TRPM1: variants seen among roughly 807,000 people sequenced by gnomAD.
TRPM1 encodes transient receptor potential cation channel subfamily M member 1.
A neutral mutation model predicts 149.4 loss-of-function variants in TRPM1; 113 were observed. The ratio of observed to expected loss-of-function variants is 0.76; its 90% confidence interval spans 0.65 to 0.88. The LOEUF (loss-of-function observed/expected upper bound fraction) is 0.88, where lower values mean the gene tolerates loss of function less well. TRPM1 is among the 40% of genes least tolerant of loss of function. TRPM1 has a pLI of 0.00. For missense variants in TRPM1, 1,976 were observed against 2,038.7 expected, an observed-to-expected ratio of 0.97 and a Z score of 0.59; for synonymous variants, 741 against 759.5, an observed-to-expected ratio of 0.98 and a Z score of 0.40.
rs1220951425 is a variant in TRPM1, at chr15:31,076,988, G to A, written c.4-4C>T. 1.2e-6 allele frequency: 2 copies of A among 1,603,084 alleles called. No individual in the cohort carries two copies. The highest frequency in any genetic ancestry group is 1.7e-5 in the Admixed American group (1 of 60,020). On this transcript the variant is annotated splice_region_variant and splice_polypyrimidine_tract_variant and intron_variant, in intron 2 of 27. Coordinates refer to ENST00000256552, the MANE Select transcript of TRPM1 (RefSeq NM_001252024.2). ...TCTCTATCCAAGATTTCTGACCCTG[G>A]AAGAGAGAGAGAAGTGGATATTGGA...
At chr15:31,067,651 C>T (rs2034417084) in intron 5 of TRPM1, among the ~76,000 whole-genome samples, 1 of 152,006 alleles carries the variant, frequency 6.6e-6, no homozygotes, top group Non-Finnish European at 1.5e-5. Flanking sequence ...TCATGGGTGA[C>T]CCAGAGATGT....
intron 27 of TRPM1, among the ~76,000 whole-genome samples, chr15:31,011,006 AATCATTAT>A (rs765035495): frequency 6.6e-6 from 1 of 152,160 alleles, no homozygotes; most frequent in Non-Finnish European, 1.5e-5. Context: ...TTACCTTTTT[AATCATTAT>A]ATCATGTCTA....
At chr15:31,132,055 G>A (rs2036023207) in intron 1 of TRPM1, among the ~76,000 whole-genome samples, 1 of 152,180 alleles carries the variant, frequency 6.6e-6, no homozygotes, top group Non-Finnish European at 1.5e-5. Context: ...CAGATATTGA[G>A]GAGCATTAGC....
intron 1 of TRPM1, among the ~76,000 whole-genome samples, chr15:31,157,182 G>A (rs2036389061): frequency 1.3e-5 from 2 of 152,096 alleles, no homozygotes; most frequent in African/African-American, 4.8e-5. Context: ...CAAAGTGCTG[G>A]GATTACAAGT....
chr15:31,025,853 C>T (rs1171624083), intron 27 of TRPM1, among the ~76,000 whole-genome samples: 1 of 152,208 alleles, frequency 6.6e-6, no homozygotes, highest in Non-Finnish European at 1.5e-5. Context: ...TTCCATTAAC[C>T]TTGCGGAAAC....
intron 18 of TRPM1, among the ~76,000 whole-genome samples, chr15:31,039,825 TCTGA>T (rs1357257817): frequency 2.0e-5 from 3 of 152,276 alleles, no homozygotes; most frequent in African/African-American, 7.2e-5. Flanking sequence ...ATTAGGAGAC[TCTGA>T]CTGTGGCAGG....
chr15:31,105,524 A>G (rs1291430693), upstream of TRPM1, among the ~76,000 whole-genome samples: 1 of 152,156 alleles, frequency 6.6e-6, no homozygotes, highest in Non-Finnish European at 1.5e-5. Context: ...ATAATTTTCA[A>G]TTCAAATTTA....
intron 11 of TRPM1, chr15:31,060,134 GAC>G (rs111387341): frequency 8.0e-5 from 26 of 326,108 alleles, no homozygotes; most frequent in Admixed American, 1.8e-4. Flanking sequence ...CACACACATA[GAC>G]ACACACACAT....
chr15:31,129,867 G>T (rs1403177806), intron 1 of TRPM1, among the ~76,000 whole-genome samples: 1 of 152,214 alleles, frequency 6.6e-6, no homozygotes, highest in Non-Finnish European at 1.5e-5. Flanking sequence ...TGGCAGAGAA[G>T]AGAGAATATG....
Position 31,035,628 on chromosome 15 carries a change from A to G in TRPM1, c.2618T>C (p.Val873Ala). 2 of 1,614,220 alleles carry G rather than the reference A, an allele frequency of 1.2e-6. No individual in the cohort carries two copies. The highest frequency in any genetic ancestry group is 8.5e-7 in the Non-Finnish European group (1 of 1,180,026). The stretch of plus-strand genomic sequence containing the variant: ...GAGGGACGGCCAGCCATCCATCCGC[A>G]CCAGGATGACGTAGTTAAACAGCAG... ...YLLLFNYVIL[V>A]RMDGWPSLQE... The change falls in exon 21 of 28, where the codon GTG becomes GCG. Residue 873 changes from valine (V) to alanine (A), a missense_variant. Coordinates refer to ENST00000256552, the MANE Select transcript of TRPM1 (RefSeq NM_001252024.2).
intron 10 of TRPM1, 91 bp from the exon 11 acceptor site, chr15:31,060,735 T>C (rs896027879): frequency 1.0e-6 from 1 of 991,178 alleles, no homozygotes; most frequent in Non-Finnish European, 1.6e-6. Context: ...AGGCTTCCCT[T>C]GGGCTGCTGG....
rs1028136581 is a variant in TRPM1 at position 31,049,370 on chromosome 15, C to T, written c.1572+5G>A. ...CGCTTCCTTCCCTTTTTCTAGAGCA[C>T]TCACTGTGTTATAAAGCTCCTCCAG... On this transcript the variant is annotated splice_donor_5th_base_variant and intron_variant, in intron 13 of 27. Transcript: ENST00000256552. 1 of 1,614,186 alleles carries T rather than the reference C, an allele frequency of 6.2e-7. No individual in the cohort carries two copies. The highest frequency in any genetic ancestry group is 8.5e-7 in the Non-Finnish European group (1 of 1,180,034).
chr15:31,152,544 T>A (rs1412289808), intron 1 of TRPM1, among the ~76,000 whole-genome samples: 1 of 152,140 alleles, frequency 6.6e-6, no homozygotes, highest in East Asian at 1.9e-4. Flanking sequence ...CCTGAAAAAC[T>A]AGTTCAGGCC....
At chr15:31,096,337 T>C (rs867841419) in intron 1 of TRPM1, among the ~76,000 whole-genome samples, 3 of 152,348 alleles carry the variant, frequency 2.0e-5, no homozygotes, top group South Asian at 2.1e-4. Flanking sequence ...TAAAATGCTT[T>C]ATTTAGCAAT....
chr15:31,045,670 G>A (rs567951505), intron 16 of TRPM1, among the ~76,000 whole-genome samples: 6 of 152,260 alleles, frequency 3.9e-5, no homozygotes, highest in South Asian at 2.1e-4. Flanking sequence ...TAAGATATAC[G>A]TGTATTTTAA....
At chr15:31,106,873 G>A (rs371096318) in intron 1 of TRPM1, among the ~76,000 whole-genome samples, 34 of 152,286 alleles carry the variant, frequency 2.2e-4, no homozygotes, top group African/African-American at 8.2e-4. Context: ...AGAGATTGTA[G>A]CATTTTGCAT....
intron 27 of TRPM1, among the ~76,000 whole-genome samples, chr15:31,007,401 C>T (rs1185314028): frequency 6.6e-6 from 1 of 152,164 alleles, no homozygotes; most frequent in Non-Finnish European, 1.5e-5. Context: ...ACTGTAGCTT[C>T]ACAGTAAGCC....
At position 31,040,438 on chromosome 15, in the gene TRPM1, G is replaced by C. The variant is rs374255218; in HGVS notation, c.2088-92C>G. The C allele has an allele frequency of 6.8e-6, 7 of 1,034,742 alleles. No homozygotes were observed. The African/African-American group carries it at 1.1e-4, about 16-fold the overall frequency. The allele number at this position is 1,034,742 out of a possible 1,614,324, so 64.1% of individuals were successfully genotyped here. ...ATCCACCAAGGACTTATGGAGCCAC[G>C]GGACACAGTATCCTTCACTGGAGGG... On this transcript the variant is annotated intron_variant, in intron 17 of 27. Coordinates refer to ENST00000256552, the MANE Select transcript of TRPM1 (RefSeq NM_001252024.2). This position sits in a 1 kb window ranked among gnomAD's most constrained non-coding sequence, Gnocchi z 4.2.
At chr15:31,061,363 C>T in intron 10 of TRPM1, 79 bp downstream of exon 10, 1 of 1,414,150 alleles carries the variant, frequency 7.1e-7, no homozygotes, top group Non-Finnish European at 1.0e-6. Flanking sequence ...CAGACATAGT[C>T]CATGGGAGGC....
Sources: allele counts gnomAD v4.1 joint callset (sites outside exome capture counted in the v4.1 genomes callset), GRCh38; gene constraint gnomAD v4.1.1; non-coding constraint Gnocchi (gnomAD v3.1); transcripts MANE v1.5; gene names NCBI Gene and HGNC (gene_info 2026-07-23, HGNC 2026-07-21).